TACO1: variants seen among roughly 807,000 people sequenced by gnomAD.
The protein encoded by TACO1 is translational activator of cytochrome c oxidase I.
Under a neutral mutation model 24.0 loss-of-function variants are expected in TACO1, and 13 were observed. The observed-to-expected ratio is 0.54, with a 90% confidence interval of 0.35 to 0.86. TACO1 has a LOEUF of 0.86. Ranked by LOEUF, TACO1 falls within the 40% of genes least tolerant of loss-of-function variation. The pLI is 0.01. For synonymous variants in TACO1, 149 were observed against 153.5 expected (o/e 0.97, Z 0.22); for missense variants, 352 against 380.1 (o/e 0.93, Z 0.61).
chr17:63,600,994 C>T lies in TACO1; in HGVS notation c.-90C>T. The T allele has an allele frequency of 6.8e-7, 1 of 1,462,642 alleles. No individual in the cohort carries two copies. Among genetic ancestry groups the T allele is most frequent in the Non-Finnish European group, 9.2e-7 (1 of 1,084,784 alleles). The allele number at this position is 1,462,642 out of a possible 1,614,324, so 90.6% of individuals were successfully genotyped here. A position where few individuals can be genotyped will look rare whatever the true frequency, so the allele number is the denominator to read the frequency against. The stretch of plus-strand genomic sequence containing the variant: ...CTCAGGTGACCGGCACAGGCGGCCG[C>T]GGGGTCCGGAACTGCTTGTTCCGGC... On this transcript the variant is annotated 5_prime_UTR_variant, in exon 1 of 5. Coordinates refer to ENST00000258975, the MANE Select transcript of TACO1 (RefSeq NM_016360.4).
At chr17:63,604,680 C>T in intron 2 of TACO1, 40 bp downstream of exon 2, 1 of 1,567,092 alleles carries the variant, frequency 6.4e-7, no homozygotes, top group East Asian at 2.2e-5. Context: ...ATCACAGCCT[C>T]TACCGGGCTC....
chr17:63,606,497 T>G, intron 3 of TACO1, 57 bp downstream of exon 3: 2 of 1,607,292 alleles, frequency 1.2e-6, no homozygotes, highest in East Asian at 4.5e-5. Context: ...TCCAATTCTC[T>G]GCAAGGCAAG....
At position 63,604,531 on chromosome 17, in the gene TACO1, C is replaced by T; in HGVS notation, c.281-3C>T. The T allele has an allele frequency of 6.2e-7, 1 of 1,613,224 alleles. No individual in the cohort carries two copies. Among genetic ancestry groups the T allele is most frequent in the African/African-American group, 1.3e-5 (1 of 74,942 alleles). On this transcript the variant is annotated splice_polypyrimidine_tract_variant and splice_region_variant and intron_variant, in intron 1 of 4. Transcript: ENST00000258975. Reference sequence around the variant, plus strand: ...CTTTTTTTTCTTTTTCTTTAAATCTCAGAAGGAGGCCCCAACCCTGAGCAC... The same window carrying T: ...CTTTTTTTTCTTTTTCTTTAAATCTTAGAAGGAGGCCCCAACCCTGAGCAC...
intron 1 of TACO1, among the ~76,000 whole-genome samples, chr17:63,604,218 A>T (rs896002773): frequency 2.0e-5 from 3 of 149,822 alleles, no homozygotes; most frequent in Admixed American, 2.0e-4. Context: ...TGCACCTGTA[A>T]TCCCAGCTAC....
At chr17:63,604,146 T>C (rs571944873) in intron 1 of TACO1, among the ~76,000 whole-genome samples, 1 of 152,208 alleles carries the variant, frequency 6.6e-6, no homozygotes, top group Admixed American at 6.5e-5. Context: ...GAGACCAGCC[T>C]GGCCAACATG....
rs1448321232 is a variant in TACO1, at chr17:63,604,569, G to A, written c.316G>A (p.Ala106Thr). 1.2e-6 allele frequency: 2 copies of A among 1,613,998 alleles called. No homozygotes were observed. Among genetic ancestry groups the A allele is most frequent in the East Asian group, 4.5e-5 (2 of 44,876 alleles). Reference sequence around the variant, plus strand: ...CAACCCTGAGCACAACAGCAACCTGGCCAATATCTTAGAGGTGTGTCGCAG... The same window carrying A: ...CAACCCTGAGCACAACAGCAACCTGACCAATATCTTAGAGGTGTGTCGCAG... The part of the protein sequence containing the change: ...GPNPEHNSNL[A>T]NILEVCRSKH... Residue 106 changes from alanine (A) to threonine (T), a missense_variant, in exon 2 of 5, where the codon GCC becomes ACC. Ala to Thr is a moderately conservative substitution (Grantham distance 58). Coordinates refer to ENST00000258975, the MANE Select transcript of TACO1 (RefSeq NM_016360.4).
Position 63,606,437 on chromosome 17 carries a change from A to T in TACO1, c.512A>T (p.Asn171Ile), listed in dbSNP as rs747254964. The T allele has an allele frequency of 6.2e-7, 1 of 1,614,126 alleles. No individual in the cohort carries two copies. The highest frequency in any genetic ancestry group is 8.5e-7 in the Non-Finnish European group (1 of 1,179,970). ...GACATTAGACATATCCTGAATAAGA[A>T]TGGGTAAGTGTGCGTCTGGGAGGAG... The part of the protein sequence containing the change: ...QADIRHILNK[N>I]GGVMAVGARH... The change falls in exon 3 of 5, where the codon AAT (asparagine) becomes ATT (isoleucine). Residue 171 changes from asparagine to isoleucine, a missense_variant. By Grantham distance (149) the Asn-to-Ile change is moderately radical. Transcript: ENST00000258975.
Position 63,604,493 on chromosome 17 carries a change from G to A in TACO1, c.281-41G>A, listed in dbSNP as rs192651754. On this transcript the variant is annotated intron_variant, in intron 1 of 4. Coordinates refer to ENST00000258975, the MANE Select transcript of TACO1 (RefSeq NM_016360.4). ...TTATTCTCCCATGTTGTAATGAGAT[G>A]TCTTTGCTCACTCTTTTTTTTCTTT... 3.9e-6 allele frequency: 6 copies of A among 1,544,242 alleles called. No homozygotes were observed. The East Asian group carries it at 1.1e-4, about 29-fold the overall frequency.
At position 63,607,937 on chromosome 17, in the gene TACO1, G is replaced by A. The variant is rs770570963; in HGVS notation, c.829G>A (p.Ala277Thr). The stretch of plus-strand genomic sequence containing the variant: ...GGCTGAGCCCGACCTGGAACAGGCC[G>A]CACATCTCATTCAGGCTCTCAGCAA... ...QLAEPDLEQA[A>T]HLIQALSNHE... The change falls in exon 5 of 5, where the codon GCA becomes ACA. Residue 277 changes from alanine (A) to threonine (T), a missense_variant. Physicochemically the swap from Ala to Thr is moderately conservative, Grantham distance 58 (BLOSUM62 0). Coordinates refer to ENST00000258975, the MANE Select transcript of TACO1 (RefSeq NM_016360.4). 8.7e-6 allele frequency: 14 copies of A among 1,614,048 alleles called. No individual in the cohort carries two copies. The highest frequency in any genetic ancestry group is 5.3e-5 in the African/African-American group (4 of 74,926).
Position 63,601,123 on chromosome 17 carries a change from G to T in TACO1, c.40G>T (p.Ala14Ser). The T allele has an allele frequency of 6.5e-7, 1 of 1,542,698 alleles. No individual in the cohort carries two copies. The highest frequency in any genetic ancestry group is 2.0e-5 in the Admixed American group (1 of 50,900). ...TGCTGCCAGCCTAAGCAGGGCCGCT[G>T]CCCGATGCTTGCTGGCACGAGGCCC... ...WAAASLSRAA[A>S]RCLLARGPGV... The change falls in exon 1 of 5, where the codon GCC becomes TCC. Residue 14 changes from alanine (A) to serine (S), a missense_variant. Physicochemically the swap from Ala to Ser is moderately conservative, Grantham distance 99. Coordinates refer to ENST00000258975, the MANE Select transcript of TACO1 (RefSeq NM_016360.4).
rs1396100813 is a variant in TACO1 at position 63,607,840 on chromosome 17, G to C, written c.732G>C (p.Lys244Asn). 9.3e-6 allele frequency: 15 copies of C among 1,614,168 alleles called. No individual in the cohort carries two copies. The highest frequency in any genetic ancestry group is 1.3e-5 in the Non-Finnish European group (15 of 1,180,038). The change falls in exon 5 of 5, where the codon AAG becomes AAC. Residue 244 changes from lysine (K) to asparagine (N), a missense_variant. Physicochemically the swap from Lys to Asn is moderately conservative, Grantham distance 94. Coordinates refer to ENST00000258975, the MANE Select transcript of TACO1 (RefSeq NM_016360.4). The stretch of plus-strand genomic sequence containing the variant: ...CCTCTTCACTGCACCAAGTGAGGAA[G>C]AAGCTGGACTCCCTGGGCCTGTGTT... ...CDASSLHQVR[K>N]KLDSLGLCSV...
At position 63,601,382 on chromosome 17, in the gene TACO1, C is replaced by T. The variant is rs750446989; in HGVS notation, c.280+19C>T. On this transcript the variant is annotated intron_variant, in intron 1 of 4. Coordinates refer to ENST00000258975, the MANE Select transcript of TACO1 (RefSeq NM_016360.4). ...GTGAAAGGTGAGACCCTGACGGTCACCCAGCACTGGCTGCCGCTGCCCTCT... is the reference window on the plus strand; with the variant it reads ...GTGAAAGGTGAGACCCTGACGGTCATCCAGCACTGGCTGCCGCTGCCCTCT... The T allele has an allele frequency of 1.4e-5, 23 of 1,610,346 alleles. No homozygotes were observed. The South Asian group carries it at 2.5e-4, about 18-fold the overall frequency.
Position 63,607,563 on chromosome 17 carries a change from A to G in TACO1, c.693+99A>G, listed in dbSNP as rs747568047. ...TTTCTTCCTTCATGTGCCCCAGGGT[A>G]TAGGTGAGACAGTTCACATATTGTA... On this transcript the variant is annotated intron_variant, in intron 4 of 4. Coordinates refer to ENST00000258975, the MANE Select transcript of TACO1 (RefSeq NM_016360.4). 69 of 1,277,004 alleles carry G rather than the reference A, an allele frequency of 5.4e-5. No homozygotes were observed. The East Asian group carries it at 9.7e-4, about 18-fold the overall frequency. 79.1% of individuals were successfully genotyped at this position (1,277,004 alleles called of 1,614,324 possible). A position where few individuals can be genotyped will look rare whatever the true frequency, so the allele number is the denominator to read the frequency against.
intron 1 of TACO1, among the ~76,000 whole-genome samples, chr17:63,603,847 A>C (rs573924413): frequency 1.1e-3 from 173 of 150,486 alleles, no homozygotes; most frequent in Non-Finnish European, 2.2e-3. Flanking sequence ...GAAAACCTGA[A>C]TCTACAAAAA....
chr17:63,606,541 GT>G (rs2033863852), intron 3 of TACO1, 101 bp downstream of exon 3: 16 of 1,526,230 alleles, frequency 1.0e-5, no homozygotes, highest in Admixed American at 1.7e-5. Context: ...TCAGGGTTTT[GT>G]TTTTTGTTTT....
At chr17:63,604,442 T>C (rs2033846941) in intron 1 of TACO1, 92 bp from the exon 2 acceptor site, 2 of 1,093,038 alleles carry the variant, frequency 1.8e-6, no homozygotes, top group Admixed American at 3.5e-5. Context: ...GCCACTCCTT[T>C]GGCTTGGTGG....
At position 63,607,440 on chromosome 17, in the gene TACO1, T is replaced by C. The variant is rs775360093; in HGVS notation, c.669T>C (p.Asp223=). The change falls in exon 4 of 5, where the codon GAT becomes GAC. Residue 223 remains aspartate, a synonymous_variant. Coordinates refer to ENST00000258975, the MANE Select transcript of TACO1 (RefSeq NM_016360.4). ...CTGAGGATGTCAAGGAAACTGAAGA[T>C]GAAGAAGAAAGGAACGTTTTTAAAG... ...AGAEDVKETE[D]EEERNVFKFI... is the part of the protein sequence containing the mutation. 3.1e-6 allele frequency: 5 copies of C among 1,614,158 alleles called. No homozygotes were observed. The Admixed American group carries it at 6.7e-5, about 22-fold the overall frequency.
chr17:63,606,927 A>G, intron 3 of TACO1: 1 of 390,460 alleles, frequency 2.6e-6, no homozygotes, highest in Non-Finnish European at 4.8e-6. Context: ...GCAGGATCCC[A>G]AAGACTTGTT....
Position 63,601,103 on chromosome 17 carries a change from C to T in TACO1, c.20C>T (p.Ala7Val). The change falls in exon 1 of 5, where the codon GCC becomes GTC. Residue 7 changes from alanine (A) to valine (V), a missense_variant. Transcript: ENST00000258975. Reference protein sequence around the residue: MSAWAAASLSRAAARCL... With the variant: MSAWAAVSLSRAAARCL... ...GGACCGATGTCGGCTTGGGCTGCTG[C>T]CAGCCTAAGCAGGGCCGCTGCCCGA... 6.5e-7 allele frequency: 1 copy of T among 1,541,850 alleles called. No individual in the cohort carries two copies. Among genetic ancestry groups the T allele is most frequent in the Non-Finnish European group, 8.7e-7 (1 of 1,145,910 alleles).
Sources: gnomAD v4.1 joint callset for allele counts (sites outside exome capture counted in the v4.1 genomes callset) on GRCh38, gnomAD v4.1.1 for gene constraint, MANE v1.5 for transcripts, NCBI Gene and HGNC (gene_info 2026-07-23, HGNC 2026-07-21) for gene names.